ITGB3: variants seen among roughly 807,000 people sequenced by gnomAD.
ITGB3 encodes the protein integrin subunit beta 3.
ITGB3 carries 48 observed loss-of-function variants against 85.8 expected under a neutral mutation model. The observed-to-expected ratio is 0.56, with a 90% CI of 0.44 to 0.71. The LOEUF is 0.71. Ranked by LOEUF, ITGB3 falls within the 30% of genes least tolerant of loss-of-function variation. ITGB3 has a pLI of 0.00. For missense variants in ITGB3, 861 were observed against 1,019.1 expected, an observed-to-expected ratio of 0.84 and a Z score of 2.11; for synonymous variants, 363 against 395.6, an observed-to-expected ratio of 0.92 and a Z score of 0.98.
chr17:47,274,840 T>C (rs1015372518), intron 2 of ITGB3, among the ~76,000 whole-genome samples: 1 of 152,270 alleles, frequency 6.6e-6, no homozygotes, highest in African/African-American at 2.4e-5. Context: ...AGAGACAGGG[T>C]CTCACTATGT....
intron 1 of ITGB3, among the ~76,000 whole-genome samples, chr17:47,269,828 C>T (rs1215127421): frequency 1.3e-5 from 2 of 152,264 alleles, no homozygotes; most frequent in African/African-American, 4.8e-5. Flanking sequence ...CTACCATTGC[C>T]AATTTACTGT....
At chr17:47,308,338 G>T (rs181908339) in intron 14 of ITGB3, among the ~76,000 whole-genome samples, 47 of 149,914 alleles carry the variant, frequency 3.1e-4, no homozygotes, top group Non-Finnish European at 5.9e-4. Context: ...TTTTTTCCTC[G>T]ACCCTCCAAA....
rs2064977672 is a variant in ITGB3 at position 47,253,957 on chromosome 17, C to A, written c.79+17C>A. ...GCGTAGGAGGTGAGTGAGGCTCCGG[C>A]TCGGCAGCGTCGCAGCTGCCCCAGG... is the stretch of plus-strand genomic sequence containing the variant. On this transcript the variant is annotated intron_variant, in intron 1 of 14. Transcript: ENST00000559488. The A allele has an allele frequency of 3.6e-6, 5 of 1,398,282 alleles. No individual in the cohort carries two copies. The highest frequency in any genetic ancestry group is 1.5e-5 in the African/African-American group (1 of 67,282). 86.6% of individuals were successfully genotyped at this position (1,398,282 alleles called of 1,614,324 possible).
At chr17:47,303,696 A>G (rs2065176013) in intron 13 of ITGB3, 1 of 152,254 alleles carries the variant, frequency 6.6e-6, no homozygotes, top group Non-Finnish European at 1.5e-5. Context: ...AATCCATCCC[A>G]TCATACACAG....
At chr17:47,285,041 C>T (rs957113411) in intron 4 of ITGB3, among the ~76,000 whole-genome samples, 3 of 152,106 alleles carry the variant, frequency 2.0e-5, no homozygotes, top group Non-Finnish European at 4.4e-5. Context: ...ACAGAAGGAT[C>T]GATTCCATTG....
chr17:47,287,911 CTTTTTTT>C (rs60463106), intron 6 of ITGB3, among the ~76,000 whole-genome samples: 77 of 55,394 alleles, frequency 1.4e-3, no homozygotes, highest in South Asian at 7.6e-3. Flanking sequence ...ACCACCCCTG[CTTTTTTT>C]TTTTTTTTTT....
intron 10 of ITGB3, among the ~76,000 whole-genome samples, chr17:47,295,556 C>G (rs2065142729): frequency 6.6e-6 from 1 of 152,164 alleles, no homozygotes; most frequent in South Asian, 2.1e-4. Flanking sequence ...GGCTTGGGGT[C>G]AGCCTGCTGG....
At position 47,296,241 on chromosome 17, in the gene ITGB3, A is replaced by G. The variant is rs543201398; in HGVS notation, c.1691-3067A>G. Among the ~76,000 whole-genome samples, 14 of 152,274 alleles carry G rather than the reference A, an allele frequency of 9.2e-5. No homozygotes were observed. In the South Asian group the frequency reaches 1.7e-3, roughly 18 times the overall value. On this transcript the variant is annotated intron_variant, in intron 10 of 14. Transcript: ENST00000559488. ...TGGGGCAGCTTGGGTTATGTCCGCC[A>G]TCCTTCCTGGGAAGCAGACATTTCT...
chr17:47,309,893 C>T (rs2065206252), intron 14 of ITGB3, among the ~76,000 whole-genome samples: 1 of 90,752 alleles, frequency 1.1e-5, no homozygotes, highest in Non-Finnish European at 2.1e-5. Context: ...GAGACCCTGT[C>T]TGAAAAAAAA....
intron 1 of ITGB3, 40 bp downstream of exon 1, chr17:47,253,980 AG>A (rs2064977864): frequency 4.7e-6 from 6 of 1,265,672 alleles, no homozygotes; most frequent in Non-Finnish European, 5.2e-6. Context: ...CAGCTGCCCC[AG>A]GATCTGCGCC....
At position 47,284,678 on chromosome 17, in the gene ITGB3, C is replaced by T. The variant is rs200999521; in HGVS notation, c.597C>T (p.Leu199=). ...PYMYISPPEA[L]ENPCYDMKTT... ...TGTATATCTCCCCACCAGAGGCCCT[C>T]GAAAACCCCTGCTATGAGTAAGTCC... The change falls in exon 4 of 15, where the codon CTC becomes CTT. Residue 199 remains leucine, a synonymous_variant. Coordinates refer to ENST00000559488, the MANE Select transcript of ITGB3 (RefSeq NM_000212.3). 7 of 1,614,038 alleles carry T rather than the reference C, an allele frequency of 4.3e-6. No homozygotes were observed. In the African/African-American group the frequency reaches 5.3e-5, roughly 12 times the overall value.
intron 1 of ITGB3, among the ~76,000 whole-genome samples, chr17:47,267,648 A>C (rs1490136111): frequency 6.6e-6 from 1 of 152,168 alleles, no homozygotes; most frequent in Non-Finnish European, 1.5e-5. Context: ...TGCAGGCATG[A>C]TTTCCTAAAG....
At chr17:47,276,256 A>G (rs973358526) in intron 2 of ITGB3, among the ~76,000 whole-genome samples, 5 of 152,174 alleles carry the variant, frequency 3.3e-5, no homozygotes, top group Admixed American at 6.5e-5. Context: ...CCTGCTCCCT[A>G]TCCCCCATTT....
rs2143114716 is a variant in ITGB3 at position 47,292,719 on chromosome 17, C to A, written c.1690+151C>A. On this transcript the variant is annotated intron_variant, in intron 10 of 14. Coordinates refer to ENST00000559488, the MANE Select transcript of ITGB3 (RefSeq NM_000212.3). Reference sequence around the variant, plus strand: ...AATCTTTTTGAGTATAAGGACCAATCCCCTTTTCACGTTAAAAAAAAAAGT... The same window carrying A: ...AATCTTTTTGAGTATAAGGACCAATACCCTTTTCACGTTAAAAAAAAAAGT... 5.6e-6 allele frequency: 4 copies of A among 719,672 alleles called. No homozygotes were observed. In the South Asian group the frequency reaches 9.3e-5, roughly 17 times the overall value. The allele number at this position is 719,672 out of a possible 1,614,324, so 44.6% of individuals were successfully genotyped here.
Position 47,292,337 on chromosome 17 carries a change from C to G in ITGB3, c.1459C>G (p.Arg487Gly). Residue 487 changes from arginine to glycine, a missense_variant, in exon 10 of 15, where the codon CGT becomes GGT. Arg to Gly is a moderately radical substitution (Grantham distance 125). Coordinates refer to ENST00000559488, the MANE Select transcript of ITGB3 (RefSeq NM_000212.3). ...TGGGACCTTTGAGTGTGGGGTATGC[C>G]GTTGTGGGCCTGGCTGGCTGGGATC... ...GNGTFECGVCRCGPGWLGSQC... is the reference protein window; with the variant it reads ...GNGTFECGVCGCGPGWLGSQC... 1 of 1,614,168 alleles carries G rather than the reference C, an allele frequency of 6.2e-7. No homozygotes were observed. Among genetic ancestry groups the G allele is most frequent in the Non-Finnish European group, 8.5e-7 (1 of 1,180,026 alleles).
At chr17:47,275,733 C>G (rs1275916620) in intron 2 of ITGB3, among the ~76,000 whole-genome samples, 1 of 152,256 alleles carries the variant, frequency 6.6e-6, no homozygotes, top group Non-Finnish European at 1.5e-5. Context: ...CAGCTCCGCA[C>G]GTTGCTTTGG....
intron 13 of ITGB3, among the ~76,000 whole-genome samples, chr17:47,304,786 T>G (rs1245009264): frequency 2.0e-5 from 3 of 152,102 alleles, no homozygotes; most frequent in Non-Finnish European, 2.9e-5. Context: ...TTTTGTATTT[T>G]TAGTAGAGAC....
chr17:47,270,008 G>C (rs1481455912), intron 1 of ITGB3, among the ~76,000 whole-genome samples: 1 of 152,224 alleles, frequency 6.6e-6, no homozygotes. Context: ...TGGCAGGATG[G>C]AGAAGTGCTG....
chr17:47,289,246 C>T (rs2065115885), intron 6 of ITGB3, among the ~76,000 whole-genome samples: 1 of 152,156 alleles, frequency 6.6e-6, no homozygotes, highest in Non-Finnish European at 1.5e-5. Context: ...AGTTTTGACA[C>T]CACTGGCCTG....
Sources: allele counts gnomAD v4.1 joint callset (sites outside exome capture counted in the v4.1 genomes callset), GRCh38; gene constraint gnomAD v4.1.1; transcripts MANE v1.5; gene names NCBI Gene and HGNC (gene_info 2026-07-23, HGNC 2026-07-21).